Variants in SHISA9 observed in about 807,000 individuals in gnomAD.
SHISA9 encodes the protein protein shisa-9.
In SHISA9, 13 loss-of-function variants were observed where a neutral mutation model predicts 38.0. The observed-to-expected ratio is 0.34, with a 90% CI of 0.22 to 0.54. The LOEUF (loss-of-function observed/expected upper bound fraction) is 0.54. SHISA9 is among the 20% of genes least tolerant of loss of function. The probability of loss-of-function intolerance (pLI) is 0.91; values close to 1 mark genes in which losing one functional copy is unlikely to be tolerated. For missense variants in SHISA9, 538 were observed against 575.8 expected (o/e 0.93, Z 0.67); for synonymous variants, 275 against 242.0 (o/e 1.14, Z -1.27).
intron 2 of SHISA9, among the ~76,000 whole-genome samples, chr16:13,147,979 C>T (rs1312124768): frequency 2.0e-5 from 3 of 152,126 alleles, no homozygotes; most frequent in African/African-American, 7.2e-5. Flanking sequence ...GAGAGGGGGA[C>T]AGCATTCTGG....
chr16:13,418,193 T>C, the SHISA9 span, among the ~76,000 whole-genome samples: 2 of 152,106 alleles, frequency 1.3e-5, no homozygotes, highest in Non-Finnish European at 2.9e-5. Context: ...ATGTATTTAT[T>C]AGCAGGATCT....
chr16:13,351,346 A>T, the SHISA9 span, among the ~76,000 whole-genome samples: 1 of 151,958 alleles, frequency 6.6e-6, no homozygotes, highest in Non-Finnish European at 1.5e-5. Context: ...CCTCCGTATA[A>T]CATGGTTTTC....
the SHISA9 span, among the ~76,000 whole-genome samples, chr16:13,355,268 T>C: frequency 6.6e-6 from 1 of 151,714 alleles, no homozygotes; most frequent in African/African-American, 2.4e-5. Context: ...AGGCAAGTAA[T>C]AACAGGCTTT....
intron 2 of SHISA9, among the ~76,000 whole-genome samples, chr16:13,113,931 A>T (rs2074004226): frequency 6.6e-6 from 1 of 152,122 alleles, no homozygotes; most frequent in South Asian, 2.1e-4. Context: ...TCACTCCATT[A>T]TTCATTTGTT....
intron 4 of SHISA9, among the ~76,000 whole-genome samples, chr16:13,233,340 A>G (rs2051350459): frequency 6.6e-6 from 1 of 151,786 alleles, no homozygotes; most frequent in Non-Finnish European, 1.5e-5. Context: ...GAATCCTTCA[A>G]TGCTGGAGAG....
At chr16:13,131,193 A>G (rs1195090806) in intron 2 of SHISA9, among the ~76,000 whole-genome samples, 1 of 152,308 alleles carries the variant, frequency 6.6e-6, no homozygotes, top group East Asian at 1.9e-4. Context: ...ATTCACAATA[A>G]CAAAGACATG....
chr16:13,552,743 G>GT, the SHISA9 span, among the ~76,000 whole-genome samples: 408 of 151,188 alleles, frequency 2.7e-3, 4 homozygotes, highest in Non-Finnish European at 4.9e-3. Context: ...TTTTTAAACA[G>GT]TTTTTTTTTA....
At chr16:13,412,647 G>A in the SHISA9 span, among the ~76,000 whole-genome samples, 1 of 151,844 alleles carries the variant, frequency 6.6e-6, no homozygotes, top group Non-Finnish European at 1.5e-5. Flanking sequence ...GCTTGAGCCC[G>A]GGAGTTTGAG....
At chr16:13,151,500 A>G (rs2050499220) in intron 2 of SHISA9, among the ~76,000 whole-genome samples, 1 of 152,116 alleles carries the variant, frequency 6.6e-6, no homozygotes, top group African/African-American at 2.4e-5. Context: ...TGAAGACCCT[A>G]CAGCTGTAGG....
chr16:13,276,809 G>A, the SHISA9 span, among the ~76,000 whole-genome samples: 101 of 152,080 alleles, frequency 6.6e-4, 3 homozygotes, highest in East Asian at 0.015. Context: ...TGTAGATTCC[G>A]GATATTAGTT....
intron 4 of SHISA9, among the ~76,000 whole-genome samples, chr16:13,233,685 G>C (rs984308878): frequency 6.6e-6 from 1 of 152,194 alleles, no homozygotes; most frequent in Non-Finnish European, 1.5e-5. Flanking sequence ...ATTTGGCCCC[G>C]TGGGCTATAG....
intron 2 of SHISA9, among the ~76,000 whole-genome samples, chr16:12,965,980 T>C (rs570777523): frequency 6.6e-6 from 1 of 152,370 alleles, no homozygotes; most frequent in Admixed American, 6.5e-5. Context: ...TGAGGTTTCC[T>C]GACCTTGGCT....
the SHISA9 span, among the ~76,000 whole-genome samples, chr16:13,468,007 A>G: frequency 1.3e-5 from 2 of 152,186 alleles, no homozygotes; most frequent in African/African-American, 4.8e-5. Flanking sequence ...CTTAACAGCA[A>G]TGGATATTAC....
intron 2 of SHISA9, among the ~76,000 whole-genome samples, chr16:13,073,793 G>A (rs1030636514): frequency 2.6e-5 from 4 of 152,052 alleles, no homozygotes; most frequent in Non-Finnish European, 2.9e-5. Flanking sequence ...GGAACGAGGC[G>A]GATACAAGCC....
the SHISA9 span, among the ~76,000 whole-genome samples, chr16:13,540,632 A>G: frequency 5.9e-5 from 9 of 152,124 alleles, no homozygotes. Flanking sequence ...CCTGACTTGA[A>G]TCCTTATCTT....
chr16:12,948,054 G>C (rs562153958), intron 2 of SHISA9, among the ~76,000 whole-genome samples: 12 of 152,320 alleles, frequency 7.9e-5, no homozygotes, highest in Admixed American at 3.9e-4. Context: ...AGTAAGAAAA[G>C]ACTGTGTACT....
At chr16:13,244,092 T>G (rs1484510064), downstream of SHISA9, among the ~76,000 whole-genome samples, 1 of 152,194 alleles carries the variant, frequency 6.6e-6, no homozygotes, top group Non-Finnish European at 1.5e-5. Flanking sequence ...AGCCATGGGC[T>G]ACTATGAATA....
chr16:13,210,260 C>T (rs1276712605), intron 3 of SHISA9, among the ~76,000 whole-genome samples: 1 of 152,088 alleles, frequency 6.6e-6, no homozygotes, highest in African/African-American at 2.4e-5. Context: ...CTTTCATTAG[C>T]CCCTTGTCCA....
At chr16:13,027,932 AC>A (rs1213246860) in intron 2 of SHISA9, among the ~76,000 whole-genome samples, 5,450 of 106,818 alleles carry the variant, frequency 0.051, 881 homozygotes, top group African/African-American at 0.12. Flanking sequence ...TGTCTCAAAA[AC>A]AAAAAAAAAA....
Sources: gnomAD v4.1 joint callset for allele counts (sites outside exome capture counted in the v4.1 genomes callset) on GRCh38, gnomAD v4.1.1 for gene constraint, MANE v1.5 for transcripts, NCBI Gene and HGNC (gene_info 2026-07-23, HGNC 2026-07-21) for gene names.